The following SIK3 variants were observed in gnomAD, a reference collection of about 807,000 sequenced individuals.
SIK3 encodes the protein serine/threonine-protein kinase SIK3.
Under a neutral mutation model 144.2 loss-of-function variants are expected in SIK3, and 28 were observed. The ratio of observed to expected loss-of-function variants is 0.19; its 90% CI spans 0.14 to 0.27. SIK3 has a LOEUF of 0.27. Ranked by LOEUF, SIK3 falls within the 10% of genes least tolerant of loss-of-function variation. The probability of loss-of-function intolerance (pLI) is 1.00; values close to 1 mark genes in which losing one functional copy is unlikely to be tolerated. For missense variants in SIK3, 1,319 were observed against 1,776.0 expected (o/e 0.74, Z 4.62); for synonymous variants, 686 against 676.3 (o/e 1.01, Z -0.22).
intron 4 of SIK3, among the ~76,000 whole-genome samples, chr11:116,915,267 C>T (rs1565446609): frequency 6.6e-6 from 1 of 151,782 alleles, no homozygotes; most frequent in Non-Finnish European, 1.5e-5. Flanking sequence ...CCGCCTTGGC[C>T]TCCCAAAGTG....
At chr11:116,967,240 A>C (rs947889864) in intron 1 of SIK3, among the ~76,000 whole-genome samples, 1 of 152,230 alleles carries the variant, frequency 6.6e-6, no homozygotes, top group Non-Finnish European at 1.5e-5. Flanking sequence ...TCTTCCCAAG[A>C]ACAGCATTTG....
intron 1 of SIK3, among the ~76,000 whole-genome samples, chr11:117,010,098 T>C (rs900050788): frequency 1.3e-5 from 2 of 151,918 alleles, no homozygotes; most frequent in South Asian, 4.1e-4. Context: ...AAGTGGCTTC[T>C]TCCTGGGAAG....
intron 21 of SIK3, chr11:116,855,802 C>T (rs1942865101): frequency 1.3e-5 from 2 of 152,362 alleles, no homozygotes; most frequent in South Asian, 2.1e-4. Flanking sequence ...TGTGCCTCCG[C>T]TGTTTCACTG....
chr11:116,971,709 A>G (rs1437342475), intron 1 of SIK3, among the ~76,000 whole-genome samples: 1 of 152,198 alleles, frequency 6.6e-6, no homozygotes, highest in Admixed American at 6.5e-5. Flanking sequence ...GTATCATTTC[A>G]TCTGTAACTA....
intron 1 of SIK3, among the ~76,000 whole-genome samples, chr11:117,076,126 G>C (rs1198003828): frequency 1.3e-5 from 2 of 152,032 alleles, no homozygotes; most frequent in African/African-American, 4.8e-5. Flanking sequence ...TGGGATTACA[G>C]GTGTGAGCCA....
intron 4 of SIK3, among the ~76,000 whole-genome samples, chr11:116,898,311 T>G (rs1945537428): frequency 6.6e-6 from 1 of 152,218 alleles, no homozygotes; most frequent in Non-Finnish European, 1.5e-5. Context: ...AACTCATCAT[T>G]TTCTATGGCT....
intron 2 of SIK3, among the ~76,000 whole-genome samples, chr11:116,956,348 AAC>A (rs1240744866): frequency 6.6e-6 from 1 of 151,960 alleles, no homozygotes; most frequent in African/African-American, 2.4e-5. Flanking sequence ...AAAAAAAAAA[AAC>A]TAAAATAGAA....
chr11:117,094,453 T>C (rs1955382923), intron 1 of SIK3, among the ~76,000 whole-genome samples: 1 of 151,758 alleles, frequency 6.6e-6, no homozygotes. Context: ...AAAAAAAATT[T>C]AAAAATTAAC....
At chr11:116,915,978 C>G (rs1946615207) in intron 4 of SIK3, among the ~76,000 whole-genome samples, 1 of 152,208 alleles carries the variant, frequency 6.6e-6, no homozygotes, top group Non-Finnish European at 1.5e-5. Context: ...AGCAGGTAGA[C>G]TCGATTTATA....
At chr11:116,960,150 G>A (rs569928315) in intron 1 of SIK3, among the ~76,000 whole-genome samples, 24 of 152,104 alleles carry the variant, frequency 1.6e-4, no homozygotes, top group African/African-American at 4.1e-4. Context: ...TAGAAGGCAC[G>A]TACAAAGAAG....
intron 1 of SIK3, among the ~76,000 whole-genome samples, chr11:116,958,179 C>T (rs1447034060): frequency 6.6e-6 from 1 of 152,132 alleles, no homozygotes; most frequent in Non-Finnish European, 1.5e-5. Context: ...GTAAAGGGAA[C>T]ATATACAGTA....
intron 1 of SIK3, among the ~76,000 whole-genome samples, chr11:117,038,941 T>G (rs143138921): frequency 0.071 from 10,808 of 151,536 alleles, 683 homozygotes; most frequent in African/African-American, 0.17. Context: ...TCCCAGCTAC[T>G]CGGGAGGCTG....
intron 3 of SIK3, among the ~76,000 whole-genome samples, chr11:116,944,875 A>C (rs139259505): frequency 2.2e-4 from 33 of 152,332 alleles, no homozygotes; most frequent in African/African-American, 7.5e-4. Context: ...AGCTGGCCTA[A>C]AACTTTTCAT....
intron 1 of SIK3, among the ~76,000 whole-genome samples, chr11:117,011,592 C>T (rs1951260278): frequency 1.3e-5 from 2 of 152,114 alleles, no homozygotes; most frequent in Admixed American, 6.5e-5. Context: ...TACCATTTAT[C>T]AGCCATGTGT....
chr11:116,947,120 T>TATAAATTATTATTTATATATA (rs1948634182), intron 3 of SIK3, among the ~76,000 whole-genome samples: 5 of 6,896 alleles, frequency 7.3e-4, no homozygotes, highest in Admixed American at 3.3e-3. Flanking sequence ...CAAAAAAATA[T>TATAAATTATTATTTATATATA]ATATATAATA....
At chr11:116,876,226 C>T (rs770224349) in intron 8 of SIK3, 27 bp downstream of exon 8, 2 of 1,599,606 alleles carry the variant, frequency 1.3e-6, no homozygotes, top group African/African-American at 2.7e-5. Flanking sequence ...CTACATCCCA[C>T]TTTGTTCTCC....
chr11:116,973,583 C>T (rs1949839469), intron 1 of SIK3, among the ~76,000 whole-genome samples: 2 of 152,054 alleles, frequency 1.3e-5, no homozygotes, highest in South Asian at 4.1e-4. Flanking sequence ...GACTTCCTTC[C>T]AGACAGTACA....
At chr11:116,861,250 T>G in intron 19 of SIK3, 24 bp downstream of exon 19, 1 of 1,504,018 alleles carries the variant, frequency 6.6e-7, no homozygotes, top group Non-Finnish European at 9.1e-7. Context: ...AAATGAACTG[T>G]TTGGTCTGAA....
At chr11:117,009,565 C>A (rs1263136038) in intron 1 of SIK3, among the ~76,000 whole-genome samples, 5 of 150,060 alleles carry the variant, frequency 3.3e-5, no homozygotes, top group Non-Finnish European at 5.9e-5. Flanking sequence ...AAAAAAAAAA[C>A]AAAAAACAAA....
Sources: gnomAD v4.1 joint callset for allele counts (sites outside exome capture counted in the v4.1 genomes callset) on GRCh38, gnomAD v4.1.1 for gene constraint, MANE v1.5 for transcripts, NCBI Gene and HGNC (gene_info 2026-07-23, HGNC 2026-07-21) for gene names.